VPS37D: variants seen among roughly 807,000 people sequenced by gnomAD.
VPS37D encodes the protein VPS37D subunit of ESCRT-I, also known as vacuolar protein sorting-associated protein 37D.
A neutral mutation model predicts 22.0 loss-of-function variants in VPS37D; 5 were observed. The observed-to-expected ratio is 0.23, with a 90% CI of 0.12 to 0.48. The LOEUF is 0.48. Among genes scored for constraint, VPS37D ranks in the 20% least tolerant of loss-of-function variants. The pLI is 0.99. For synonymous variants in VPS37D, 174 were observed against 159.3 expected, an observed-to-expected ratio of 1.09 and a Z score of -0.69; for missense variants, 384 against 345.8, an observed-to-expected ratio of 1.11 and a Z score of -0.88.
intron 1 of VPS37D, 57 bp from the exon 2 acceptor site, chr7:73,669,362 G>A: frequency 6.7e-7 from 1 of 1,487,816 alleles, no homozygotes; most frequent in Non-Finnish European, 9.0e-7. Context: ...GGACGGGGCA[G>A]TAGGGTGGAC....
rs782140516 is a variant in VPS37D, at chr7:73,669,416, C to A, written c.139-3C>A. 61 of 1,546,182 alleles carry A rather than the reference C, an allele frequency of 3.9e-5. 1 individual carries two copies. In the South Asian group the frequency reaches 6.6e-4, roughly 17 times the overall value. On this transcript the variant is annotated splice_polypyrimidine_tract_variant and splice_region_variant and intron_variant, in intron 1 of 3. Coordinates refer to ENST00000324941, the MANE Select transcript of VPS37D (RefSeq NM_001077621.2). ...GGGCCTCTTAGCTCCTCTCTGCCCG[C>A]AGTTCCAGGGCCTGCAGCTGGAGCG...
upstream of VPS37D, among the ~76,000 whole-genome samples, chr7:73,666,014 C>A (rs574440008): frequency 1.4e-3 from 214 of 152,240 alleles, 1 homozygote; most frequent in African/African-American, 4.9e-3. Context: ...CCACGGCCGG[C>A]TACTTTATTT....
At chr7:73,669,266 C>G (rs1797450070) in intron 1 of VPS37D, among the ~76,000 whole-genome samples, 153 bp from the exon 2 acceptor site, 1 of 152,164 alleles carries the variant, frequency 6.6e-6, no homozygotes, top group South Asian at 2.1e-4. Flanking sequence ...CTGTCATCGT[C>G]CCTTCACCTG....
intron 1 of VPS37D, among the ~76,000 whole-genome samples, chr7:73,668,330 C>A (rs1390803368): frequency 6.6e-6 from 1 of 151,762 alleles, no homozygotes; most frequent in African/African-American, 2.4e-5. Flanking sequence ...CCCAGGATGG[C>A]CGCGAGGCGT....
intron 1 of VPS37D, among the ~76,000 whole-genome samples, chr7:73,668,586 G>A (rs1275047230): frequency 2.0e-5 from 3 of 152,092 alleles, no homozygotes; most frequent in Non-Finnish European, 2.9e-5. Flanking sequence ...ATAGGCCACC[G>A]TAAGAGAAAG....
In VPS37D at chr7:73,671,133, G is replaced by A; in HGVS notation, c.513G>A (p.Leu171=). The A allele has an allele frequency of 1.2e-6, 2 of 1,608,028 alleles. No homozygotes were observed. The highest frequency in any genetic ancestry group is 1.7e-6 in the Non-Finnish European group (2 of 1,179,154). ...RRTQAEKLQE[L]LRRRERSAQP... is the part of the protein sequence containing the mutation. ...CGCAGGCAGAGAAGCTGCAGGAGCT[G>A]CTGCGGCGTCGGGAGCGTTCTGCCC... The change falls in exon 4 of 4, where the codon CTG becomes CTA. Residue 171 remains leucine (L), a synonymous_variant. Coordinates refer to ENST00000324941, the MANE Select transcript of VPS37D (RefSeq NM_001077621.2).
chr7:73,670,165 G>C (rs991054368), intron 3 of VPS37D, 63 bp downstream of exon 3: 5 of 1,548,092 alleles, frequency 3.2e-6, no homozygotes, highest in Non-Finnish European at 3.5e-6. Flanking sequence ...CCACCCCCTG[G>C]CTCATTCTTA....
rs1797414141 is a variant in VPS37D at position 73,667,885 on chromosome 7, A to AGCCGGG, written c.-72_-71insCGGGGC. 1 of 458,862 alleles carries AGCCGGG rather than the reference A, an allele frequency of 2.2e-6. No homozygotes were observed. The highest frequency in any genetic ancestry group is 2.9e-6 in the Non-Finnish European group (1 of 347,172). 28.4% of individuals were successfully genotyped at this position (458,862 alleles called of 1,614,324 possible). On this transcript the variant is annotated 5_prime_UTR_variant, in exon 1 of 4. Coordinates refer to ENST00000324941, the MANE Select transcript of VPS37D (RefSeq NM_001077621.2). ...GGATCCTGGAGCCGGAGCGGAGCGGAGCGGAGCGGAGCCGGGGCGGAGCGG... is the reference window on the plus strand; with the variant it reads ...GGATCCTGGAGCCGGAGCGGAGCGGAGCCGGGGCGGAGCGGAGCCGGGGCGGAGCGG...
In VPS37D at chr7:73,671,230, G is replaced by T; in HGVS notation, c.610G>T (p.Ala204Ser). The change falls in exon 4 of 4, where the codon GCC becomes TCC. Residue 204 changes from alanine (A) to serine (S), a missense_variant. By Grantham distance (99) the Ala-to-Ser change is moderately conservative (BLOSUM62 1). Coordinates refer to ENST00000324941, the MANE Select transcript of VPS37D (RefSeq NM_001077621.2). ...TGCAGCTGTCCTGCCCACTGGGGCCGCCCGGGGGCCACCAGCAGTGCCCCG... is the reference window on the plus strand; with the variant it reads ...TGCAGCTGTCCTGCCCACTGGGGCCTCCCGGGGGCCACCAGCAGTGCCCCG... The part of the protein sequence containing the change: ...PAAAVLPTGA[A>S]RGPPAVPRSL... 1 of 1,552,886 alleles carries T rather than the reference G, an allele frequency of 6.4e-7. No individual in the cohort carries two copies.
upstream of VPS37D, chr7:73,667,827 C>A: frequency 4.7e-6 from 1 of 210,544 alleles, no homozygotes; most frequent in Non-Finnish European, 8.4e-6. Flanking sequence ...CGCCCCCTGG[C>A]GGCGGAGCGG....
rs1345131027 is a variant in VPS37D, at chr7:73,667,837, G to C, written c.-122G>C. 5.5e-5 allele frequency: 13 copies of C among 235,332 alleles called. No homozygotes were observed. Among genetic ancestry groups the C allele is most frequent in the African/African-American group, 9.3e-5 (4 of 42,876 alleles). The allele number at this position is 235,332 out of a possible 1,614,324, so 14.6% of individuals were successfully genotyped here. ...AGGGGCGCCCCCTGGCGGCGGAGCG[G>C]TGCGTGCGGCCGGAGCCGGAGCGGA... On this transcript the variant is annotated 5_prime_UTR_variant, in exon 1 of 4. Coordinates refer to ENST00000324941, the MANE Select transcript of VPS37D (RefSeq NM_001077621.2).
At chr7:73,670,888 C>T in intron 3 of VPS37D, 126 bp from the exon 4 acceptor site, 1 of 1,367,448 alleles carries the variant, frequency 7.3e-7, no homozygotes, top group Non-Finnish European at 9.7e-7. Context: ...GGCTGGAACG[C>T]AGGTCCCCTG....
At chr7:73,667,032 G>A (rs1353242164), upstream of VPS37D, among the ~76,000 whole-genome samples, 1 of 149,550 alleles carries the variant, frequency 6.7e-6, no homozygotes, top group Non-Finnish European at 1.5e-5. Flanking sequence ...GAGTGCAGTG[G>A]CGCGATCTCC....
In VPS37D at chr7:73,671,384, G is replaced by A. The variant is rs991779594; in HGVS notation, c.*8G>A. The A allele has an allele frequency of 2.1e-5, 28 of 1,364,388 alleles. 1 individual carries two copies. In the South Asian group the frequency reaches 3.4e-4, roughly 16 times the overall value. 84.5% of individuals were successfully genotyped at this position (1,364,388 alleles called of 1,614,324 possible). On this transcript the variant is annotated 3_prime_UTR_variant, in exon 4 of 4. Transcript: ENST00000324941. ...GAGCCCCCCCACCGGTAGGATCCAC[G>A]GTGCGGCCCCCCAGTTGGGGGGCCT...
intron 3 of VPS37D, among the ~76,000 whole-genome samples, chr7:73,670,437 G>C (rs966101323): frequency 2.0e-5 from 3 of 152,204 alleles, no homozygotes; most frequent in African/African-American, 7.2e-5. Context: ...GACATGTTAA[G>C]TCTATACTTC....
chr7:73,671,112 G>A lies in VPS37D; in HGVS notation c.492G>A (p.Gln164=), dbSNP rs186005344. 5,469 of 1,609,502 alleles carry A rather than the reference G, an allele frequency of 3.4e-3. 15 individuals are homozygous for A. The highest frequency in any genetic ancestry group is 0.014 in the Middle Eastern group (83 of 5,916). Residue 164 remains glutamine, a synonymous_variant, in exon 4 of 4, where the codon CAG becomes CAA. Transcript: ENST00000324941. ...CCCTGGCCCACCTGAGGCGGACGCA[G>A]GCAGAGAAGCTGCAGGAGCTGCTGC... ...GRALAHLRRT[Q]AEKLQELLRR... is the part of the protein sequence containing the mutation.
At chr7:73,667,578 C>T (rs989499511), upstream of VPS37D, among the ~76,000 whole-genome samples, 1 of 152,186 alleles carries the variant, frequency 6.6e-6, no homozygotes, top group Non-Finnish European at 1.5e-5. Flanking sequence ...ACGGGCTCTG[C>T]AAATTGTAAC....
rs1554609669 is a variant in VPS37D, at chr7:73,671,154, T to C, written c.534T>C (p.Ser178=). 9 of 1,606,000 alleles carry C rather than the reference T, an allele frequency of 5.6e-6. No individual in the cohort carries two copies. The highest frequency in any genetic ancestry group is 7.6e-6 in the Non-Finnish European group (9 of 1,178,476). Residue 178 remains serine, a synonymous_variant, in exon 4 of 4, where the codon TCT becomes TCC. Transcript: ENST00000324941. ...AGCTGCTGCGGCGTCGGGAGCGTTC[T>C]GCCCAGCCGGCCCCCACCTCGGCTG... is the stretch of plus-strand genomic sequence containing the variant. ...LQELLRRRER[S]AQPAPTSAAD...
In VPS37D at chr7:73,669,996, ACTCTGTCC is replaced by A; in HGVS notation, c.311-17_311-10del. The A allele has an allele frequency of 6.4e-7, 1 of 1,551,162 alleles. No homozygotes were observed. Among genetic ancestry groups the A allele is most frequent in the African/African-American group, 1.4e-5 (1 of 72,988 alleles). ...AGCCCGGGGCCCTGGCCTGTCTGTC[ACTCTGTCC>A]CTCTGTGGCCCTCAGAGGAAAGCAT... On this transcript the variant is annotated splice_polypyrimidine_tract_variant and intron_variant, in intron 2 of 3. Coordinates refer to ENST00000324941, the MANE Select transcript of VPS37D (RefSeq NM_001077621.2).
Sources: allele counts gnomAD v4.1 joint callset (sites outside exome capture counted in the v4.1 genomes callset), GRCh38; gene constraint gnomAD v4.1.1; transcripts MANE v1.5; gene names NCBI Gene and HGNC (gene_info 2026-07-23, HGNC 2026-07-21).